CNTN5: variants seen among roughly 807,000 people sequenced by gnomAD.
CNTN5 encodes contactin-5.
In CNTN5, 77 loss-of-function variants were observed where a neutral mutation model predicts 129.1. The observed-to-expected ratio is 0.60, with a 90% CI of 0.50 to 0.72. CNTN5 has a LOEUF of 0.72. CNTN5 is among the 30% of genes least tolerant of loss of function. The pLI is 0.00. For missense variants in CNTN5, 1,478 were observed against 1,328.8 expected (o/e 1.11, Z -1.75); for synonymous variants, 509 against 465.6 (o/e 1.09, Z -1.20).
intron 16 of CNTN5, among the ~76,000 whole-genome samples, chr11:100,239,544 T>C (rs1949692665): frequency 6.6e-6 from 1 of 152,184 alleles, no homozygotes. Flanking sequence ...GACTTTGCCA[T>C]ACCTTCAGTT....
At chr11:99,176,610 G>A (rs10750208) in intron 1 of CNTN5, among the ~76,000 whole-genome samples, 120,408 of 152,104 alleles carry the variant, frequency 0.79, 47,904 homozygotes, top group Middle Eastern at 0.91. Flanking sequence ...GTCATTATTA[G>A]CTTCTCTTTT....
intron 9 of CNTN5, among the ~76,000 whole-genome samples, chr11:100,047,684 C>G (rs1942755127): frequency 6.6e-6 from 1 of 152,078 alleles, no homozygotes; most frequent in Non-Finnish European, 1.5e-5. Context: ...CAGGGATACC[C>G]AGATAGCTTA....
chr11:99,941,004 G>A (rs1950422637), intron 7 of CNTN5, among the ~76,000 whole-genome samples: 1 of 152,048 alleles, frequency 6.6e-6, no homozygotes, highest in Non-Finnish European at 1.5e-5. Context: ...GAAAAAGGTA[G>A]GGAAAAACAT....
intron 8 of CNTN5, among the ~76,000 whole-genome samples, chr11:99,996,933 T>A (rs1939488701): frequency 6.6e-6 from 1 of 152,120 alleles, no homozygotes; most frequent in South Asian, 2.1e-4. Flanking sequence ...TCCTTTGGCA[T>A]GTGGGGATTA....
chr11:99,871,797 A>G (rs186409423), intron 6 of CNTN5, among the ~76,000 whole-genome samples: 1 of 152,172 alleles, frequency 6.6e-6, no homozygotes, highest in Admixed American at 6.6e-5. Flanking sequence ...CTGATGGTAC[A>G]ATGTTTACTT....
intron 3 of CNTN5, among the ~76,000 whole-genome samples, chr11:99,656,014 C>T (rs1952348163): frequency 6.6e-6 from 1 of 151,624 alleles, no homozygotes. Flanking sequence ...ATTGTAGCAC[C>T]TCTGAATACA....
intron 23 of CNTN5, among the ~76,000 whole-genome samples, chr11:100,347,540 T>C (rs745714492): frequency 2.9e-4 from 44 of 152,096 alleles, no homozygotes; most frequent in Non-Finnish European, 5.4e-4. Flanking sequence ...ATGCAGTATA[T>C]ATATGAAGCT....
At chr11:100,081,662 T>C (rs542220924) in intron 13 of CNTN5, among the ~76,000 whole-genome samples, 1 of 152,164 alleles carries the variant, frequency 6.6e-6, no homozygotes, top group African/African-American at 2.4e-5. Context: ...TGAGGAAAAA[T>C]TGAAATTCAT....
chr11:100,166,735 TTTTAA>T (rs1422148475), intron 13 of CNTN5, among the ~76,000 whole-genome samples: 1 of 116,124 alleles, frequency 8.6e-6, no homozygotes, highest in African/African-American at 3.3e-5. Context: ...TGTTAATGAC[TTTTAA>T]TTTGTGTACA....
chr11:99,542,813 G>A (rs1032895669), intron 2 of CNTN5, among the ~76,000 whole-genome samples: 1 of 152,232 alleles, frequency 6.6e-6, no homozygotes, highest in African/African-American at 2.4e-5. Context: ...GGTTGGGGCT[G>A]CTGGGAAATC....
intron 3 of CNTN5, among the ~76,000 whole-genome samples, chr11:99,577,615 G>A (rs116411978): frequency 7.9e-5 from 12 of 151,954 alleles, no homozygotes; most frequent in East Asian, 5.8e-4. Context: ...CATTGAGCCC[G>A]ATCATTAAAA....
intron 3 of CNTN5, among the ~76,000 whole-genome samples, chr11:99,695,918 A>T (rs1038255793): frequency 6.6e-6 from 1 of 152,056 alleles, no homozygotes; most frequent in African/African-American, 2.4e-5. Context: ...TGTTAGGAGG[A>T]TTAAATGAGT....
intron 1 of CNTN5, among the ~76,000 whole-genome samples, chr11:99,114,225 A>G (rs1857933123): frequency 1.3e-5 from 2 of 152,074 alleles, no homozygotes; most frequent in African/African-American, 4.8e-5. Flanking sequence ...ATTTATTTTA[A>G]TATTACTGTA....
chr11:100,039,508 G>A (rs1942248018), intron 9 of CNTN5, among the ~76,000 whole-genome samples: 1 of 152,168 alleles, frequency 6.6e-6, no homozygotes, highest in South Asian at 2.1e-4. Context: ...GAATTTGAAT[G>A]TTGGCCTGCC....
rs558408480 is a variant in CNTN5, at chr11:99,056,161, C to T, written c.-210+34891C>T. 7.1e-4 allele frequency among the ~76,000 whole-genome samples: 107 copies of T among 151,740 alleles called. 1 individual carries two copies. Among genetic ancestry groups the T allele is most frequent in the Non-Finnish European group, 8.1e-4 (55 of 67,940 alleles). ...TTTTTATATTATACTTTATTTCAAA[C>T]TATAAACTTATTCACTGGTAAGCCA... On this transcript the variant is annotated intron_variant, in intron 1 of 24. Transcript: ENST00000524871.
intron 9 of CNTN5, among the ~76,000 whole-genome samples, chr11:100,026,172 G>C (rs1341174162): frequency 6.6e-6 from 1 of 152,084 alleles, no homozygotes; most frequent in African/African-American, 2.4e-5. Flanking sequence ...TCTCATGATA[G>C]TGAGTAAGTT....
At chr11:99,264,317 C>A (rs949253380) in intron 1 of CNTN5, among the ~76,000 whole-genome samples, 1 of 151,614 alleles carries the variant, frequency 6.6e-6, no homozygotes, top group South Asian at 2.1e-4. Flanking sequence ...ATTGTTACCC[C>A]TTTTTTGCAC....
At chr11:99,363,121 T>C (rs1049501293) in intron 2 of CNTN5, among the ~76,000 whole-genome samples, 6 of 152,164 alleles carry the variant, frequency 3.9e-5, no homozygotes, top group African/African-American at 1.4e-4. Context: ...CATTATCTTC[T>C]TAACAATATT....
chr11:100,054,276 CAA>C (rs886400525), intron 9 of CNTN5, among the ~76,000 whole-genome samples: 7 of 151,622 alleles, frequency 4.6e-5, no homozygotes, highest in Non-Finnish European at 1.5e-5. Flanking sequence ...GTAAGATGTG[CAA>C]AGTTACCCAG....
Sources: gnomAD v4.1 joint callset for allele counts (sites outside exome capture counted in the v4.1 genomes callset) on GRCh38, gnomAD v4.1.1 for gene constraint, MANE v1.5 for transcripts, NCBI Gene and HGNC (gene_info 2026-07-23, HGNC 2026-07-21) for gene names.